Variants in SRGAP2C observed in about 807,000 individuals in gnomAD.
The protein encoded by SRGAP2C is SLIT-ROBO Rho GTPase-activating protein 2C.
SRGAP2C carries 15 observed loss-of-function variants against 25.1 expected under a neutral mutation model. The observed-to-expected ratio is 0.60, with a 90% CI of 0.40 to 0.92. SRGAP2C has a LOEUF of 0.92. Among genes scored for constraint, SRGAP2C ranks in the 40% least tolerant of loss-of-function variants. The pLI, the probability that SRGAP2C is intolerant of heterozygous loss-of-function variation, is 0.00. For synonymous variants in SRGAP2C, 44 were observed against 96.6 expected, an observed-to-expected ratio of 0.46 and a Z score of 3.19; for missense variants, 144 against 264.4, an observed-to-expected ratio of 0.54 and a Z score of 3.16.
intron 4 of SRGAP2C, among the ~76,000 whole-genome samples, chr1:121,329,506 G>C (rs1240823504): frequency 7.2e-6 from 1 of 139,766 alleles, no homozygotes; most frequent in East Asian, 2.1e-4. Flanking sequence ...CAAGCAGCTG[G>C]AAGTTGGGAA....
Position 121,374,956 on chromosome 1 carries a change from T to C in SRGAP2C, c.831+2T>C, listed in dbSNP as rs587772398. On this transcript the variant is annotated splice_donor_variant, in intron 7 of 9. Coordinates refer to ENST00000367123, the MANE Select transcript of SRGAP2C (RefSeq NM_001329984.2). LOFTEE classifies it high-confidence loss of function. ...CATGACCTATCTGACCTTATTGATGTAAGTGCTTAAAGCCAAGGGCCTGAG... is the reference window on the plus strand; with the variant it reads ...CATGACCTATCTGACCTTATTGATGCAAGTGCTTAAAGCCAAGGGCCTGAG... 49 of 777,002 alleles carry C rather than the reference T, an allele frequency of 6.3e-5. No individual in the cohort carries two copies. In the East Asian group the frequency reaches 1.0e-3, roughly 16 times the overall value. 48.1% of individuals were successfully genotyped at this position (777,002 alleles called of 1,614,324 possible). A position where few individuals can be genotyped will look rare whatever the true frequency, so the allele number is the denominator to read the frequency against.
chr1:121,315,023 C>G, intron 3 of SRGAP2C: 1 of 1,043,900 alleles, frequency 9.6e-7, no homozygotes, highest in South Asian at 1.3e-5. Flanking sequence ...CTGTTATCTT[C>G]AGCTTCTTCA....
intron 4 of SRGAP2C, among the ~76,000 whole-genome samples, chr1:121,347,544 A>G (rs1658778103): frequency 6.6e-6 from 1 of 151,982 alleles, no homozygotes; most frequent in Non-Finnish European, 1.5e-5. Flanking sequence ...GGTTTACCCA[A>G]AAGGTCTGCA....
At chr1:121,217,236 C>T (rs1319818449) in intron 2 of SRGAP2C, among the ~76,000 whole-genome samples, 7 of 151,510 alleles carry the variant, frequency 4.6e-5, no homozygotes, top group Non-Finnish European at 8.8e-5. Flanking sequence ...CATTGAGGAT[C>T]CCATCAGTTT....
At chr1:121,322,979 C>T (rs1299474491) in intron 3 of SRGAP2C, among the ~76,000 whole-genome samples, 5 of 152,016 alleles carry the variant, frequency 3.3e-5, no homozygotes, top group South Asian at 2.1e-4. Flanking sequence ...TGAGAGTACT[C>T]GCTTTGCAGT....
intron 3 of SRGAP2C, among the ~76,000 whole-genome samples, chr1:121,324,038 C>G (rs1280032872): frequency 1.3e-5 from 2 of 152,146 alleles, no homozygotes; most frequent in Non-Finnish European, 2.9e-5. Flanking sequence ...TTGTTCTAGT[C>G]CCTGGTGCCC....
chr1:121,313,080 C>G (rs1658002724), intron 3 of SRGAP2C, among the ~76,000 whole-genome samples: 1 of 39,960 alleles, frequency 2.5e-5, no homozygotes, highest in African/African-American at 1.1e-4. Context: ...GTAGGTCACT[C>G]AGGACTTGCT....
chr1:121,308,086 G>A (rs1553339662), intron 3 of SRGAP2C, among the ~76,000 whole-genome samples: 2 of 149,960 alleles, frequency 1.3e-5, no homozygotes, highest in African/African-American at 2.5e-5. Context: ...ATAGCTCTGC[G>A]CTCTGGGGCT....
chr1:121,218,573 C>T (rs1343646713), intron 2 of SRGAP2C, among the ~76,000 whole-genome samples: 1 of 138,878 alleles, frequency 7.2e-6, no homozygotes, highest in Non-Finnish European at 1.5e-5. Context: ...AACCCCGTCT[C>T]TACTAAAAAA....
Position 121,285,408 on chromosome 1 carries a change from A to T in SRGAP2C, c.260+413A>T, listed in dbSNP as rs1400912024. Reference sequence around the variant, plus strand: ...TAATCTCTGTCTCTCTCTCTCTCACACACACACACACACACACTCACACTC... The same window carrying T: ...TAATCTCTGTCTCTCTCTCTCTCACTCACACACACACACACACTCACACTC... On this transcript the variant is annotated intron_variant, in intron 3 of 9. Coordinates refer to ENST00000367123, the MANE Select transcript of SRGAP2C (RefSeq NM_001329984.2). Among the ~76,000 whole-genome samples, 826 of 147,956 alleles carry T rather than the reference A, an allele frequency of 5.6e-3. 1 individual carries two copies. Among genetic ancestry groups the T allele is most frequent in the African/African-American group, 0.019 (788 of 40,592 alleles).
intron 3 of SRGAP2C, among the ~76,000 whole-genome samples, chr1:121,322,180 A>G (rs1194240353): frequency 6.7e-6 from 1 of 149,338 alleles, no homozygotes; most frequent in East Asian, 2.0e-4. Flanking sequence ...ATTGAAACCA[A>G]TTGTCAATGT....
intron 2 of SRGAP2C, among the ~76,000 whole-genome samples, chr1:121,283,810 G>T (rs1218038420): frequency 6.6e-6 from 1 of 151,800 alleles, no homozygotes; most frequent in Non-Finnish European, 1.5e-5. Context: ...GTCTGGCTTT[G>T]GCATACTGCT....
intron 4 of SRGAP2C, among the ~76,000 whole-genome samples, chr1:121,347,615 G>T (rs1658779742): frequency 6.6e-6 from 1 of 152,202 alleles, no homozygotes; most frequent in Non-Finnish European, 1.5e-5. Flanking sequence ...TACATATTTG[G>T]CTGCAAAGCC....
intron 2 of SRGAP2C, among the ~76,000 whole-genome samples, chr1:121,210,025 G>T (rs1450448811): frequency 6.6e-6 from 1 of 150,548 alleles, no homozygotes; most frequent in Non-Finnish European, 1.5e-5. Context: ...AACAGTGTTG[G>T]GTTCATAACA....
intron 4 of SRGAP2C, among the ~76,000 whole-genome samples, chr1:121,337,708 A>G (rs1658550063): frequency 6.9e-6 from 1 of 145,308 alleles, no homozygotes; most frequent in Admixed American, 6.9e-5. Context: ...AATACAGCTC[A>G]TCAGGCACCA....
chr1:121,368,404 C>CAA (rs781901337), intron 5 of SRGAP2C, among the ~76,000 whole-genome samples: 10 of 124,920 alleles, frequency 8.0e-5, no homozygotes, highest in East Asian at 2.3e-4. Flanking sequence ...GACTCTGTCT[C>CAA]AAAAAAAAAA....
chr1:121,199,869 A>C (rs1570699069), intron 2 of SRGAP2C, among the ~76,000 whole-genome samples: 1 of 131,026 alleles, frequency 7.6e-6, no homozygotes, highest in East Asian at 2.7e-4. Flanking sequence ...AAGTACAAAA[A>C]CCATTATATT....
chr1:121,263,170 A>G (rs1398467645), intron 2 of SRGAP2C, among the ~76,000 whole-genome samples: 1 of 150,976 alleles, frequency 6.6e-6, no homozygotes, highest in Non-Finnish European at 1.5e-5. Context: ...CCTGGCCAAC[A>G]TAGCGAAATC....
chr1:121,383,390 G>A (rs1485398986), intron 8 of SRGAP2C, among the ~76,000 whole-genome samples: 2 of 151,964 alleles, frequency 1.3e-5, no homozygotes, highest in Admixed American at 1.3e-4. Context: ...GGGAAGCGAG[G>A]GCTAGGTAGG....
Sources: allele counts gnomAD v4.1 joint callset (sites outside exome capture counted in the v4.1 genomes callset), GRCh38; gene constraint gnomAD v4.1.1; transcripts MANE v1.5; gene names NCBI Gene and HGNC (gene_info 2026-07-23, HGNC 2026-07-21).